The following SLC44A2 variants were observed in gnomAD, a reference collection of about 807,000 sequenced individuals.
The protein encoded by SLC44A2 is solute carrier family 44 member 2 (CTL2 blood group), also known as choline transporter-like protein 2.
In SLC44A2, 57 loss-of-function variants were observed where a neutral mutation model predicts 90.8. The observed-to-expected ratio is 0.63, with a 90% CI of 0.51 to 0.78. The LOEUF is 0.78. Among genes scored for constraint, SLC44A2 ranks in the 30% least tolerant of loss-of-function variants. The probability of loss-of-function intolerance (pLI) is 0.00; values close to 1 mark genes in which losing one functional copy is unlikely to be tolerated. For synonymous variants in SLC44A2, 355 were observed against 360.7 expected, an observed-to-expected ratio of 0.98 and a Z score of 0.18; for missense variants, 794 against 919.7, an observed-to-expected ratio of 0.86 and a Z score of 1.77.
At chr19:10,642,858 A>AC in intron 21 of SLC44A2, 1 of 1,492,214 alleles carries the variant, frequency 6.7e-7, no homozygotes, top group Non-Finnish European at 8.9e-7. Context: ...CTTCCCGACC[A>AC]CCCCATTTTC....
At chr19:10,617,845 G>C (rs2066867989) in intron 1 of SLC44A2, among the ~76,000 whole-genome samples, 1 of 152,154 alleles carries the variant, frequency 6.6e-6, no homozygotes, top group African/African-American at 2.4e-5. Context: ...CTCACCCTCT[G>C]CCATTCTAGC....
At chr19:10,637,973 C>T in intron 18 of SLC44A2, 44 bp downstream of exon 18, 1 of 1,613,986 alleles carries the variant, frequency 6.2e-7, no homozygotes, top group Non-Finnish European at 8.5e-7. Context: ...CGCCTCTTCC[C>T]CTAGTCCCTG....
chr19:10,607,579 G>A (rs552656409), intron 1 of SLC44A2, among the ~76,000 whole-genome samples: 1 of 146,190 alleles, frequency 6.8e-6, no homozygotes, highest in East Asian at 2.0e-4. Context: ...TGGTCATGAA[G>A]TCCTGGGCTA....
Position 10,638,080 on chromosome 19 carries a change from C to G in SLC44A2, c.1827C>G (p.Ile609Met), listed in dbSNP as rs537022440. The G allele has an allele frequency of 1.2e-6, 2 of 1,613,854 alleles. No individual in the cohort carries two copies. The highest frequency in any genetic ancestry group is 1.7e-6 in the Non-Finnish European group (2 of 1,179,954). The part of the protein sequence containing the change: ...DFLFLLGKLL[I>M]VGSVGILAFF... ...TCTTCCTGTTGGGCAAACTTCTGAT[C>G]GTTGGTAGTGTGGGTGAGTGCCGCC... The change falls in exon 19 of 22, where the codon ATC becomes ATG. Residue 609 changes from isoleucine (I) to methionine (M), a missense_variant. Physicochemically the swap from Ile to Met is conservative, Grantham distance 10. Around this residue, in one of 3 missense-constraint regions of SLC44A2, gnomAD observed 738 missense variants for 841.1 expected, o/e 0.88. Transcript: ENST00000335757.
chr19:10,610,209 A>AT lies in SLC44A2; in HGVS notation c.31+7648_31+7649insT, dbSNP rs202007671. Among the ~76,000 whole-genome samples, 751 of 152,010 alleles carry AT rather than the reference A, an allele frequency of 4.9e-3. 3 individuals are homozygous for AT. The highest frequency in any genetic ancestry group is 0.017 in the African/African-American group (712 of 41,492). On this transcript the variant is annotated intron_variant, in intron 1 of 21. Coordinates refer to the SLC44A2 transcript ENST00000407327. ...TAAATGGTTGTGAAAAAAGAAAAAA[A>AT]AATATATATATATGACAGATGATAT...
At chr19:10,637,419 T>G in intron 16 of SLC44A2, 1 of 548,626 alleles carries the variant, frequency 1.8e-6, no homozygotes, top group Non-Finnish European at 3.3e-6. Flanking sequence ...TTGATGGTAC[T>G]TTGTTTTAGA....
intron 1 of SLC44A2, among the ~76,000 whole-genome samples, chr19:10,613,853 A>C (rs1023996592): frequency 6.6e-6 from 1 of 152,102 alleles, no homozygotes; most frequent in East Asian, 1.9e-4. Context: ...TTTTCCCCTA[A>C]AATCTCCGAA....
chr19:10,635,445 C>A lies in SLC44A2; in HGVS notation c.1163C>A (p.Ser388Tyr). ...CGAACCTCCAGCTTCCTGTCCACTT[C>A]CAACGAAGCGGTCTATAAGATCTTT... is the stretch of plus-strand genomic sequence containing the variant. Reference protein sequence around the residue: ...WASTAVFLSTSNEAVYKIFDD... With the variant: ...WASTAVFLSTYNEAVYKIFDD... The change falls in exon 14 of 22, where the codon TCC (serine) becomes TAC (tyrosine). Residue 388 changes from serine (S) to tyrosine (Y), a missense_variant. By Grantham distance (144) the Ser-to-Tyr change is moderately radical (BLOSUM62 -2). Transcript: ENST00000335757. The A allele has an allele frequency of 6.2e-7, 1 of 1,614,146 alleles. No individual in the cohort carries two copies. Among genetic ancestry groups the A allele is most frequent in the Non-Finnish European group, 8.5e-7 (1 of 1,180,028 alleles).
intron 1 of SLC44A2, among the ~76,000 whole-genome samples, chr19:10,606,985 C>T (rs1358554102): frequency 6.8e-6 from 1 of 147,388 alleles, no homozygotes; most frequent in Non-Finnish European, 1.5e-5. Context: ...GGTCTCGGCT[C>T]ACTGCAAGCT....
upstream of SLC44A2, among the ~76,000 whole-genome samples, chr19:10,621,115 A>G (rs978749269): frequency 1.3e-5 from 2 of 151,990 alleles, no homozygotes; most frequent in Non-Finnish European, 2.9e-5. Context: ...TTGGGAGGCC[A>G]AGGTGGGCAG....
chr19:10,613,129 C>T (rs1918355412), intron 1 of SLC44A2, among the ~76,000 whole-genome samples: 1 of 152,138 alleles, frequency 6.6e-6, no homozygotes, highest in Admixed American at 6.6e-5. Context: ...GTGATCACAG[C>T]TCACTGCAGC....
At chr19:10,616,472 T>C (rs1391718509) in intron 1 of SLC44A2, among the ~76,000 whole-genome samples, 1 of 152,088 alleles carries the variant, frequency 6.6e-6, no homozygotes, top group Non-Finnish European at 1.5e-5. Context: ...AGTCTGCTCT[T>C]GATCTCCTGG....
chr19:10,618,939 A>G (rs537231442), intron 1 of SLC44A2, among the ~76,000 whole-genome samples: 3 of 147,786 alleles, frequency 2.0e-5, no homozygotes, highest in East Asian at 2.0e-4. Context: ...TAAATTCTAC[A>G]TGTATCATGT....
chr19:10,608,183 A>T (rs1301976267), intron 1 of SLC44A2, among the ~76,000 whole-genome samples: 3 of 150,278 alleles, frequency 2.0e-5, no homozygotes, highest in Non-Finnish European at 3.0e-5. Context: ...AGATCGCGCC[A>T]CTGCACTCCA....
intron 4 of SLC44A2, among the ~76,000 whole-genome samples, chr19:10,629,323 G>A (rs955972111): frequency 2.0e-5 from 3 of 147,834 alleles, no homozygotes; most frequent in Non-Finnish European, 4.5e-5. Flanking sequence ...TGTTACCCAG[G>A]CTAGAGTGCA....
intron 10 of SLC44A2, among the ~76,000 whole-genome samples, 172 bp from the exon 11 acceptor site, chr19:10,634,584 A>G (rs1443155993): frequency 6.7e-6 from 1 of 148,162 alleles, no homozygotes; most frequent in Non-Finnish European, 1.5e-5. Context: ...AGACCTAAGG[A>G]TGTGTGGGAT....
At chr19:10,639,220 C>T (rs1209779285) in intron 20 of SLC44A2, among the ~76,000 whole-genome samples, 2 of 152,196 alleles carry the variant, frequency 1.3e-5, no homozygotes, top group East Asian at 1.9e-4. Flanking sequence ...AGGTGTGACC[C>T]ACCACGCCCG....
intron 20 of SLC44A2, 125 bp from the exon 21 acceptor site, chr19:10,642,242 G>A (rs2067124194): frequency 1.4e-6 from 1 of 738,068 alleles, no homozygotes; most frequent in Middle Eastern, 2.3e-4. Flanking sequence ...GGGTTGGGAT[G>A]TCACTAATCC....
chr19:10,636,115 TC>T (rs1337217613), intron 14 of SLC44A2: 1 of 612,484 alleles, frequency 1.6e-6, no homozygotes, highest in Non-Finnish European at 2.8e-6. Flanking sequence ...CATGCCCTCT[TC>T]TTGACCCCAG....
Sources: gnomAD v4.1 joint callset for allele counts (sites outside exome capture counted in the v4.1 genomes callset) on GRCh38, gnomAD v4.1.1 for gene constraint, gnomAD v4.1.1 regional missense constraint, MANE v1.5 for transcripts, NCBI Gene and HGNC (gene_info 2026-07-23, HGNC 2026-07-21) for gene names.